The following HIVEP1 variants were observed in gnomAD, a reference collection of about 807,000 sequenced individuals.
HIVEP1 encodes the protein HIVEP zinc finger 1, also known as zinc finger protein 40.
Under a neutral mutation model 180.0 loss-of-function variants are expected in HIVEP1, and 36 were observed. The ratio of observed to expected loss-of-function variants is 0.20; its 90% CI spans 0.15 to 0.26. The LOEUF (loss-of-function observed/expected upper bound fraction) is 0.26, where lower values mean the gene tolerates loss of function less well. HIVEP1 is among the 10% of genes least tolerant of loss of function. The pLI is 1.00. For missense variants in HIVEP1, 3,143 were observed against 3,268.7 expected (o/e 0.96, Z 0.94); for synonymous variants, 1,239 against 1,239.0 (o/e 1.00, Z 0.00).
chr6:12,168,114 T>TA (rs1562024513), downstream of HIVEP1, among the ~76,000 whole-genome samples: 6 of 31,748 alleles, frequency 1.9e-4, 1 homozygote, highest in East Asian at 2.1e-3. Flanking sequence ...TATATGTATA[T>TA]TATATATACA....
At chr6:12,056,742 A>AT (rs750871566) in intron 2 of HIVEP1, among the ~76,000 whole-genome samples, 1 of 152,204 alleles carries the variant, frequency 6.6e-6, no homozygotes, top group Non-Finnish European at 1.5e-5. Context: ...TCACAGTTAA[A>AT]TACAAGTTAG....
upstream of HIVEP1, among the ~76,000 whole-genome samples, chr6:12,010,776 C>A (rs1259321545): frequency 6.6e-6 from 1 of 152,184 alleles, no homozygotes; most frequent in Non-Finnish European, 1.5e-5. Context: ...CCTGGTCCAG[C>A]CCCTCTTCAC....
At chr6:12,176,867 A>G in the HIVEP1 span, among the ~76,000 whole-genome samples, 5 of 152,154 alleles carry the variant, frequency 3.3e-5, no homozygotes, top group African/African-American at 1.2e-4. Flanking sequence ...TTTTGTTGTC[A>G]TTGCTTTTGG....
rs1313593742 is a variant in HIVEP1 at position 12,123,091 on chromosome 6, G to T, written c.3296G>T (p.Gly1099Val). Residue 1099 changes from glycine (G) to valine (V), a missense_variant, in exon 4 of 9, where the codon GGC (glycine) becomes GTC (valine). Gly to Val is a moderately radical substitution (Grantham distance 109). This residue lies in a region of HIVEP1 where 1,357 missense variants were observed against 1,260.5 expected (regional missense o/e 1.08). Coordinates refer to ENST00000379388, the MANE Select transcript of HIVEP1 (RefSeq NM_002114.4). ...TCCCATATTCACCTTGTTGCCAGGG[G>T]CCCTGAGCAGACCATGGATCCCAAG... ...QNSHIHLVAR[G>V]PEQTMDPKLS... is the part of the protein sequence containing the mutation. 6.2e-7 allele frequency: 1 copy of T among 1,614,118 alleles called. No individual in the cohort carries two copies. The highest frequency in any genetic ancestry group is 8.5e-7 in the Non-Finnish European group (1 of 1,180,018).
downstream of HIVEP1, among the ~76,000 whole-genome samples, chr6:12,168,283 T>TACATATATACA (rs759284062): frequency 1.7e-5 from 2 of 117,612 alleles, no homozygotes; most frequent in African/African-American, 3.2e-5. Flanking sequence ...TATACATATA[T>TACATATATACA]TATATACATA....
At position 12,163,905 on chromosome 6, in the gene HIVEP1, G is replaced by A; in HGVS notation, c.7601G>A (p.Ser2534Asn). ...ACTGCAAACCCTTCATCACAAAGCA[G>A]CCCCGCCCCTCAGGCACACATTCCA... is the stretch of plus-strand genomic sequence containing the variant. ...VLTANPSSQSSPAPQAHIPGL... is the reference protein window; with the variant it reads ...VLTANPSSQSNPAPQAHIPGL... The change falls in exon 9 of 9, where the codon AGC (serine) becomes AAC (asparagine). Residue 2534 changes from serine to asparagine, a missense_variant. By Grantham distance (46) the Ser-to-Asn change is conservative. Around this residue, in one of 12 missense-constraint regions of HIVEP1, gnomAD observed 595 missense variants for 602.2 expected, o/e 0.99. Coordinates refer to ENST00000379388, the MANE Select transcript of HIVEP1 (RefSeq NM_002114.4). 1 of 1,614,116 alleles carries A rather than the reference G, an allele frequency of 6.2e-7. No homozygotes were observed. The highest frequency in any genetic ancestry group is 1.1e-5 in the South Asian group (1 of 91,068).
Position 12,121,316 on chromosome 6 carries a change from C to T in HIVEP1, c.1521C>T (p.Asp507=), listed in dbSNP as rs762779995. The change falls in exon 4 of 9, where the codon GAC becomes GAT. Residue 507 remains aspartate (D), a synonymous_variant. Transcript: ENST00000379388. This position sits in a 1 kb window ranked among gnomAD's most constrained non-coding sequence, Gnocchi z 5.3. The part of the protein sequence containing the change: ...EEGATDERQH[D]LGAMELQPVH... ...GCGCCACTGATGAGAGACAGCATGACCTGGGCGCCATGGAGCTGCAGCCTG... is the reference window on the plus strand; with the variant it reads ...GCGCCACTGATGAGAGACAGCATGATCTGGGCGCCATGGAGCTGCAGCCTG... 1.2e-6 allele frequency: 2 copies of T among 1,614,094 alleles called. No homozygotes were observed. The highest frequency in any genetic ancestry group is 1.7e-5 in the Admixed American group (1 of 60,022).
chr6:12,074,637 T>C (rs894556838), intron 2 of HIVEP1, among the ~76,000 whole-genome samples: 11 of 149,524 alleles, frequency 7.4e-5, no homozygotes, highest in Non-Finnish European at 1.5e-4. Context: ...TGTGTGTGTG[T>C]GTGTGTGCGC....
At chr6:12,058,771 T>A (rs1771036736) in intron 2 of HIVEP1, among the ~76,000 whole-genome samples, 3 of 152,134 alleles carry the variant, frequency 2.0e-5, no homozygotes, top group Admixed American at 2.0e-4. Context: ...GGTCTCTTGA[T>A]ACAAGTCACG....
At chr6:12,174,327 T>C in the HIVEP1 span, among the ~76,000 whole-genome samples, 1 of 152,252 alleles carries the variant, frequency 6.6e-6, no homozygotes, top group Admixed American at 6.5e-5. Flanking sequence ...TAAAATTTAT[T>C]TTTTTTAAAT....
chr6:12,090,579 T>A (rs1014916934), intron 3 of HIVEP1, among the ~76,000 whole-genome samples: 1 of 151,476 alleles, frequency 6.6e-6, no homozygotes, highest in East Asian at 1.9e-4. Flanking sequence ...GACCCTCTAA[T>A]GACATTCTTA....
At chr6:12,083,240 C>T (rs747501867) in intron 2 of HIVEP1, among the ~76,000 whole-genome samples, 3 of 152,152 alleles carry the variant, frequency 2.0e-5, no homozygotes, top group Middle Eastern at 3.4e-3. Flanking sequence ...ATATGTTGAG[C>T]ATTTTCCATC....
At chr6:12,108,927 G>A (rs1774688446) in intron 3 of HIVEP1, among the ~76,000 whole-genome samples, 1 of 152,198 alleles carries the variant, frequency 6.6e-6, no homozygotes, top group Non-Finnish European at 1.5e-5. Flanking sequence ...AGGGCTCTCA[G>A]GACTGCCAGC....
chr6:12,152,839 C>T (rs1473111384), intron 7 of HIVEP1, among the ~76,000 whole-genome samples: 1 of 152,154 alleles, frequency 6.6e-6, no homozygotes, highest in Non-Finnish European at 1.5e-5. Flanking sequence ...TGTCTTCTCA[C>T]CCATACTGCT....
the HIVEP1 span, among the ~76,000 whole-genome samples, chr6:12,197,707 G>A: frequency 6.6e-6 from 1 of 152,114 alleles, no homozygotes; most frequent in Non-Finnish European, 1.5e-5. Context: ...AGGGTTTTAA[G>A]CTGAGGTATG....
chr6:12,040,056 TC>T (rs142015929), intron 2 of HIVEP1, among the ~76,000 whole-genome samples: 3,450 of 152,270 alleles, frequency 0.023, 134 homozygotes, highest in African/African-American at 0.079. Context: ...ATGAAGGTTT[TC>T]TATAGATGGG....
chr6:12,206,608 C>T, the HIVEP1 span, among the ~76,000 whole-genome samples: 10 of 152,246 alleles, frequency 6.6e-5, no homozygotes, highest in African/African-American at 2.2e-4. Flanking sequence ...CGTGGCCTTC[C>T]AAACACCTTG....
chr6:12,068,877 T>TA (rs60527253), intron 2 of HIVEP1, among the ~76,000 whole-genome samples: 35,834 of 152,050 alleles, frequency 0.24, 4,560 homozygotes, highest in East Asian at 0.47. Flanking sequence ...GCATATACAA[T>TA]AAAAAATTGG....
At position 12,163,556 on chromosome 6, in the gene HIVEP1, C is replaced by G. The variant is rs1289204596; in HGVS notation, c.7252C>G (p.Pro2418Ala). The G allele has an allele frequency of 2.5e-6, 4 of 1,614,050 alleles. No individual in the cohort carries two copies. The highest frequency in any genetic ancestry group is 3.4e-6 in the Non-Finnish European group (4 of 1,180,028). ...PAGLTYSTFVPLQAGPVQLTI... is the reference protein window; with the variant it reads ...PAGLTYSTFVALQAGPVQLTI... Reference sequence around the variant, plus strand: ...TGGCCTCACATACTCCACGTTTGTGCCCCTTCAGGCTGGACCAGTGCAGCT... The same window carrying G: ...TGGCCTCACATACTCCACGTTTGTGGCCCTTCAGGCTGGACCAGTGCAGCT... Residue 2418 changes from proline to alanine, a missense_variant, in exon 9 of 9, where the codon CCC (proline) becomes GCC (alanine). Pro to Ala is a conservative substitution (Grantham distance 27). Around this residue, in one of 12 missense-constraint regions of HIVEP1, gnomAD observed 595 missense variants for 602.2 expected, o/e 0.99. Transcript: ENST00000379388.
Sources: allele counts gnomAD v4.1 joint callset (sites outside exome capture counted in the v4.1 genomes callset), GRCh38; gene constraint gnomAD v4.1.1; regional missense constraint gnomAD v4.1.1; non-coding constraint Gnocchi (gnomAD v3.1); transcripts MANE v1.5; gene names NCBI Gene and HGNC (gene_info 2026-07-23, HGNC 2026-07-21).